MFSD8: variants seen among roughly 807,000 people sequenced by gnomAD.
MFSD8 encodes the protein major facilitator superfamily domain containing 8, also known as major facilitator superfamily domain-containing protein 8.
In MFSD8, 55 loss-of-function variants were observed where a neutral mutation model predicts 66.4. The observed-to-expected ratio is 0.83, with a 90% CI of 0.67 to 1.04. MFSD8 has a LOEUF of 1.04. Ranked by LOEUF, MFSD8 falls within the 50% of genes least tolerant of loss-of-function variation. The pLI is 0.00. For synonymous variants in MFSD8, 202 were observed against 212.8 expected, an observed-to-expected ratio of 0.95 and a Z score of 0.44; for missense variants, 550 against 627.6, an observed-to-expected ratio of 0.88 and a Z score of 1.32.
intron 9 of MFSD8, among the ~76,000 whole-genome samples, chr4:127,926,498 C>T (rs907943591): frequency 2.0e-5 from 3 of 151,716 alleles, no homozygotes; most frequent in African/African-American, 7.3e-5. Context: ...CACTATCTGA[C>T]TTCACATTTG....
chr4:127,963,474 G>A (rs1209889969), intron 1 of MFSD8, among the ~76,000 whole-genome samples: 1 of 152,188 alleles, frequency 6.6e-6, no homozygotes, highest in African/African-American at 2.4e-5. Flanking sequence ...AAGGTGGCAC[G>A]TCTGGAGTTT....
In MFSD8 at chr4:127,919,221, G is replaced by A. The variant is rs1736095300; in HGVS notation, c.*1409C>T. 1 of 152,068 alleles carries A rather than the reference G, an allele frequency of 6.6e-6. No individual in the cohort carries two copies. The highest frequency in any genetic ancestry group is 2.4e-5 in the African/African-American group (1 of 41,398). 9.4% of individuals were successfully genotyped at this position (152,068 alleles called of 1,614,324 possible). On this transcript the variant is annotated 3_prime_UTR_variant, in exon 12 of 12. Coordinates refer to ENST00000641686, the MANE Select transcript of MFSD8 (RefSeq NM_001371596.2). ...TTTTAAATTTTTGTTTTTATTTTTT[G>A]TAAAGACAGGGTCTCACTTTGTTTC...
chr4:127,931,541 A>G (rs560075393), intron 8 of MFSD8, among the ~76,000 whole-genome samples: 3 of 152,232 alleles, frequency 2.0e-5, no homozygotes, highest in Admixed American at 6.5e-5. Flanking sequence ...TATTTTTAGT[A>G]TAGACAGGGT....
chr4:127,931,105 A>G (rs908069182), intron 8 of MFSD8, among the ~76,000 whole-genome samples: 2 of 152,200 alleles, frequency 1.3e-5, no homozygotes, highest in Non-Finnish European at 2.9e-5. Flanking sequence ...GAAACAAGCC[A>G]CACCAATCAT....
At chr4:127,955,219 G>A (rs1468904246) in intron 2 of MFSD8, among the ~76,000 whole-genome samples, 13 of 152,100 alleles carry the variant, frequency 8.5e-5, no homozygotes, top group Admixed American at 8.5e-4. Flanking sequence ...GCCAAGAGGT[G>A]GAAGCAACCC....
chr4:127,949,987 A>T, intron 2 of MFSD8, 140 bp from the exon 3 acceptor site: 1 of 623,806 alleles, frequency 1.6e-6, no homozygotes, highest in Non-Finnish European at 2.7e-6. Flanking sequence ...TTATGAGGCA[A>T]TGAGATTTTA....
chr4:127,956,980 C>G (rs557030124), intron 2 of MFSD8, among the ~76,000 whole-genome samples: 1 of 151,934 alleles, frequency 6.6e-6, no homozygotes, highest in South Asian at 2.1e-4. Flanking sequence ...ACTTTTTTAA[C>G]TGTTAGTCTT....
At chr4:127,921,058 A>C in intron 11 of MFSD8, 1 of 587,714 alleles carries the variant, frequency 1.7e-6, no homozygotes, top group East Asian at 2.8e-5. Context: ...CTGTCTGCTG[A>C]AGCCCTGGGA....
intron 11 of MFSD8, chr4:127,921,181 C>G (rs968113287): frequency 5.3e-6 from 3 of 563,928 alleles, no homozygotes; most frequent in Non-Finnish European, 6.3e-6. Flanking sequence ...TCACAAGTTT[C>G]GATGACAGGT....
chr4:127,921,027 G>C (rs1438935060), intron 11 of MFSD8, 191 bp from the exon 12 acceptor site: 1 of 616,522 alleles, frequency 1.6e-6, no homozygotes, highest in East Asian at 2.8e-5. Flanking sequence ...AAAATAAAAG[G>C]AGTGTAAAGG....
At chr4:127,941,733 A>G (rs1740228253) in intron 5 of MFSD8, among the ~76,000 whole-genome samples, 1 of 152,186 alleles carries the variant, frequency 6.6e-6, no homozygotes, top group African/African-American at 2.4e-5. Flanking sequence ...AAGTGCTGAG[A>G]TTACAGGTGT....
intron 2 of MFSD8, among the ~76,000 whole-genome samples, chr4:127,953,274 AGGTCG>A (rs1216860752): frequency 6.6e-6 from 1 of 151,948 alleles, no homozygotes; most frequent in African/African-American, 2.4e-5. Context: ...GGATCACCTG[AGGTCG>A]GGAGTTCAAG....
At position 127,920,831 on chromosome 4, in the gene MFSD8, T is replaced by C; in HGVS notation, c.1356A>G (p.Val452=). The C allele has an allele frequency of 6.2e-7, 1 of 1,613,680 alleles. No individual in the cohort carries two copies. The highest frequency in any genetic ancestry group is 1.1e-5 in the South Asian group (1 of 91,024). ...SKILGPKPQG[V]YMGWLTASGS... is the part of the protein sequence containing the mutation. ...CAGATGCTGTTAACCAGCCCATGTA[T>C]ACACCCTGTTGGGGGTGAAATGGAG... is the stretch of plus-strand genomic sequence containing the variant. The change falls in exon 12 of 12, where the codon GTA becomes GTG. Residue 452 remains valine, a synonymous_variant. Transcript: ENST00000641686.
rs1736016814 is a variant in MFSD8 at position 127,918,155 on chromosome 4, T to C, written c.*2475A>G. ...TTTGTTTTCAAAAACATATTTTCTC[T>C]TCTTAAATATGTACTACTCTTAACA... On this transcript the variant is annotated 3_prime_UTR_variant, in exon 12 of 12. Transcript: ENST00000641686. 6.6e-6 allele frequency: 1 copy of C among 152,226 alleles called. No individual in the cohort carries two copies. The highest frequency in any genetic ancestry group is 2.1e-4 in the South Asian group (1 of 4,832). The allele number at this position is 152,226 out of a possible 1,614,324, so 9.4% of individuals were successfully genotyped here.
intron 2 of MFSD8, among the ~76,000 whole-genome samples, chr4:127,952,181 G>A (rs1237731566): frequency 6.6e-6 from 1 of 150,546 alleles, no homozygotes; most frequent in East Asian, 2.0e-4. Flanking sequence ...CTGGGTGGGC[G>A]GATCATGAGG....
chr4:127,963,195 G>A (rs1048603209), intron 1 of MFSD8, among the ~76,000 whole-genome samples: 1 of 152,106 alleles, frequency 6.6e-6, no homozygotes, highest in Non-Finnish European at 1.5e-5. Context: ...GGACAAAGGC[G>A]AGCTCATTTT....
rs1737406311 is a variant in MFSD8, at chr4:127,927,476, T to G, written c.998+3207A>C. 2.0e-5 allele frequency among the ~76,000 whole-genome samples: 3 copies of G among 152,278 alleles called. No homozygotes were observed. The South Asian group carries it at 6.2e-4, about 32-fold the overall frequency. On this transcript the variant is annotated intron_variant, in intron 9 of 11. Transcript: ENST00000641686. ...CAGGCGTGAGCCACTGCACCCAGCC[T>G]GTATTTTCAACTTAGTGCTATTTTC...
Position 127,943,940 on chromosome 4 carries a change from C to CTA in MFSD8, c.249_250dup (p.Ser84IlefsTer7). 1.9e-6 allele frequency: 3 copies of CTA among 1,614,136 alleles called. No individual in the cohort carries two copies. In the South Asian group the frequency reaches 3.3e-5, roughly 18 times the overall value. Reference sequence around the variant, plus strand: ...AGGTGAAGCTACCATTTGGCCAAGACTATATGAAGCAATAACCCAGCCCAA... The same window carrying CTA: ...AGGTGAAGCTACCATTTGGCCAAGACTATATATGAAGCAATAACCCAGCCCAA... On this transcript the variant is annotated frameshift_variant, in exon 4 of 12. Coordinates refer to ENST00000641686, the MANE Select transcript of MFSD8 (RefSeq NM_001371596.2). LOFTEE classifies it high-confidence loss of function.
chr4:127,951,198 C>T (rs983271148), intron 2 of MFSD8, among the ~76,000 whole-genome samples: 5 of 152,048 alleles, frequency 3.3e-5, no homozygotes, highest in Admixed American at 2.0e-4. Flanking sequence ...AATATAATCA[C>T]AGATATGTGC....
Sources: gnomAD v4.1 joint callset for allele counts (sites outside exome capture counted in the v4.1 genomes callset) on GRCh38, gnomAD v4.1.1 for gene constraint, MANE v1.5 for transcripts, NCBI Gene and HGNC (gene_info 2026-07-23, HGNC 2026-07-21) for gene names.